The following KCND2 variants were observed in gnomAD, a reference collection of about 807,000 sequenced individuals.
KCND2 encodes the protein A-type voltage-gated potassium channel KCND2.
A neutral mutation model predicts 54.4 loss-of-function variants in KCND2; 16 were observed. That is an observed-to-expected ratio of 0.29 (90% CI 0.20 to 0.45). KCND2 has a LOEUF of 0.45. Among genes scored for constraint, KCND2 ranks in the 20% least tolerant of loss-of-function variants. KCND2 has a pLI of 1.00. For synonymous variants in KCND2, 317 were observed against 310.7 expected, an observed-to-expected ratio of 1.02 and a Z score of -0.21; for missense variants, 486 against 824.2, an observed-to-expected ratio of 0.59 and a Z score of 5.02.
In KCND2 at chr7:120,737,092, A is replaced by C. The variant is rs1432928965; in HGVS notation, c.1278+4027A>C. Among the ~76,000 whole-genome samples the C allele has an allele frequency of 2.5e-4, 38 of 149,470 alleles. 1 individual carries two copies. Among genetic ancestry groups the C allele is most frequent in the African/African-American group, 9.2e-4 (37 of 40,114 alleles). On this transcript the variant is annotated intron_variant, in intron 2 of 5. Transcript: ENST00000331113. ...CACACACACAAACAAAAAAAAAAAA[A>C]ACAAAACAAAAAACAGATTGTTGAG... is the stretch of plus-strand genomic sequence containing the variant.
intron 1 of KCND2, among the ~76,000 whole-genome samples, chr7:120,589,972 C>T (rs1044314775): frequency 5.3e-5 from 8 of 152,086 alleles, no homozygotes; most frequent in Admixed American, 2.0e-4. Context: ...TGCTTGTATT[C>T]CTTAATTTTC....
At chr7:120,492,649 A>G (rs1399691751) in intron 1 of KCND2, among the ~76,000 whole-genome samples, 1 of 152,066 alleles carries the variant, frequency 6.6e-6, no homozygotes, top group Admixed American at 6.6e-5. Context: ...TAAGGACACT[A>G]CAGATGCTCC....
chr7:120,417,031 C>T (rs570636805), intron 1 of KCND2, among the ~76,000 whole-genome samples: 97 of 152,028 alleles, frequency 6.4e-4, no homozygotes, highest in African/African-American at 2.2e-3. Context: ...TTTTTAGTAG[C>T]GATGGGGCTT....
intron 1 of KCND2, among the ~76,000 whole-genome samples, chr7:120,392,318 C>G (rs911530854): frequency 2.6e-5 from 4 of 151,920 alleles, no homozygotes; most frequent in African/African-American, 9.7e-5. Context: ...GTTACTGTAA[C>G]CTTGTAGTAT....
intron 1 of KCND2, among the ~76,000 whole-genome samples, chr7:120,399,719 TATTTATTTATTTATTTATTC>T (rs995773556): frequency 2.6e-5 from 4 of 151,468 alleles, no homozygotes; most frequent in Admixed American, 2.0e-4. Flanking sequence ...TTTATTTATT[TATTTATTTATTTATTTATTC>T]ATTTGAAACA....
intron 1 of KCND2, among the ~76,000 whole-genome samples, chr7:120,595,351 T>C (rs142111389): frequency 0.02 from 3,019 of 149,568 alleles, 120 homozygotes; most frequent in African/African-American, 0.07. Context: ...CTCAGGAGGC[T>C]GAGACATGAG....
chr7:120,428,316 T>C (rs1801741987), intron 1 of KCND2, among the ~76,000 whole-genome samples: 1 of 152,190 alleles, frequency 6.6e-6, no homozygotes, highest in Admixed American at 6.5e-5. Context: ...AATTCCAATA[T>C]GGTGTAATAA....
intron 1 of KCND2, among the ~76,000 whole-genome samples, chr7:120,412,859 A>T (rs1161196229): frequency 6.6e-6 from 1 of 152,076 alleles, no homozygotes; most frequent in Non-Finnish European, 1.5e-5. Context: ...TTTTTAGGCC[A>T]CGCTAAAGCA....
At chr7:120,538,269 G>A (rs1791935775) in intron 1 of KCND2, among the ~76,000 whole-genome samples, 1 of 151,942 alleles carries the variant, frequency 6.6e-6, no homozygotes, top group South Asian at 2.1e-4. Flanking sequence ...CATCTTATAG[G>A]GACACAATTC....
intron 1 of KCND2, among the ~76,000 whole-genome samples, chr7:120,401,258 G>A (rs921433934): frequency 1.3e-5 from 2 of 152,094 alleles, no homozygotes; most frequent in African/African-American, 4.8e-5. Flanking sequence ...AAAACGGCCT[G>A]AGTGTGACAT....
At chr7:120,535,786 TA>T (rs1791899201) in intron 1 of KCND2, among the ~76,000 whole-genome samples, 1 of 152,150 alleles carries the variant, frequency 6.6e-6, no homozygotes, top group African/African-American at 2.4e-5. Flanking sequence ...GGATAGGAAA[TA>T]AATGAATGTG....
intron 1 of KCND2, among the ~76,000 whole-genome samples, chr7:120,571,482 G>T (rs1354130754): frequency 1.3e-5 from 2 of 152,122 alleles, no homozygotes; most frequent in Admixed American, 1.3e-4. Context: ...CAGAAACCTT[G>T]CTTTCCCTAG....
At chr7:120,533,986 G>A (rs1466713533) in intron 1 of KCND2, among the ~76,000 whole-genome samples, 2 of 151,982 alleles carry the variant, frequency 1.3e-5, no homozygotes, top group East Asian at 1.9e-4. Flanking sequence ...ACAACTGAAC[G>A]ATTTTGAAAA....
chr7:120,671,734 G>T (rs1223879834), intron 1 of KCND2, among the ~76,000 whole-genome samples: 3 of 151,966 alleles, frequency 2.0e-5, no homozygotes, highest in African/African-American at 7.3e-5. Context: ...TATATCCAAT[G>T]GTGCACCCTT....
chr7:120,726,536 C>T (rs532622139), intron 1 of KCND2, among the ~76,000 whole-genome samples: 1 of 152,288 alleles, frequency 6.6e-6, no homozygotes, highest in Admixed American at 6.5e-5. Flanking sequence ...CAGACTAACA[C>T]TCTGGTCAAA....
chr7:120,657,186 T>C (rs1268053927), intron 1 of KCND2, among the ~76,000 whole-genome samples: 1 of 152,162 alleles, frequency 6.6e-6, no homozygotes, highest in Non-Finnish European at 1.5e-5. Context: ...GGAATTAAGT[T>C]CCTTGCATTC....
chr7:120,309,955 A>G (rs1799713596), intron 1 of KCND2, among the ~76,000 whole-genome samples: 1 of 152,130 alleles, frequency 6.6e-6, no homozygotes, highest in Non-Finnish European at 1.5e-5. Context: ...TTACTCTTTG[A>G]AATCTTGTGT....
chr7:120,647,740 CATT>C lies in KCND2; in HGVS notation c.1116-85161_1116-85159del, dbSNP rs1002856097. Among the ~76,000 whole-genome samples, 108 of 152,228 alleles carry C rather than the reference CATT, an allele frequency of 7.1e-4. 2 individuals are homozygous for C. Among genetic ancestry groups the C allele is most frequent in the African/African-American group, 2.4e-3 (101 of 41,538 alleles). Reference sequence around the variant, plus strand: ...CCAAATTAACTTTGCCGTAAGTTTTCATTAGTTTTAACATTCAACTCTGAATAT... The same window carrying C: ...CCAAATTAACTTTGCCGTAAGTTTTCAGTTTTAACATTCAACTCTGAATAT... On this transcript the variant is annotated intron_variant, in intron 1 of 5. Coordinates refer to ENST00000331113, the MANE Select transcript of KCND2 (RefSeq NM_012281.3).
At chr7:120,382,114 C>A in intron 1 of KCND2, among the ~76,000 whole-genome samples, 1 of 151,834 alleles carries the variant, frequency 6.6e-6, no homozygotes, top group South Asian at 2.1e-4. Flanking sequence ...ATATTCCAAC[C>A]AGGAGAAAGT....
Sources: allele counts gnomAD v4.1 joint callset (sites outside exome capture counted in the v4.1 genomes callset), GRCh38; gene constraint gnomAD v4.1.1; transcripts MANE v1.5; gene names NCBI Gene and HGNC (gene_info 2026-07-23, HGNC 2026-07-21).